The following PLCG2 variants were observed in gnomAD, a reference collection of about 807,000 sequenced individuals.
The protein encoded by PLCG2 is phospholipase C gamma 2, also known as 1-phosphatidylinositol 4,5-bisphosphate phosphodiesterase gamma-2.
Under a neutral mutation model 175.6 loss-of-function variants are expected in PLCG2, and 69 were observed. The observed-to-expected ratio is 0.39, with a 90% CI of 0.32 to 0.48. PLCG2 has a LOEUF of 0.48. Among genes scored for constraint, PLCG2 ranks in the 20% least tolerant of loss-of-function variants. The pLI is 0.91. For missense variants in PLCG2, 1,798 were observed against 1,650.9 expected (o/e 1.09, Z -1.54); for synonymous variants, 827 against 624.0 (o/e 1.33, Z -4.85).
At chr16:81,817,835 C>T in intron 2 of PLCG2, among the ~76,000 whole-genome samples, 1 of 152,148 alleles carries the variant, frequency 6.6e-6, no homozygotes, top group African/African-American at 2.4e-5. Flanking sequence ...ACATGTCAGG[C>T]CCAGGCCAGG....
chr16:81,931,513 A>G lies in PLCG2; in HGVS notation c.2598A>G (p.Gly866=). ...TACCCCAAGTGAAAGCCCCTCAGGG[A>G]AAAAACCAGAAGTCCTTTGTCTTCA... ...NTYNVVKAPQ[G]KNQKSFVFIL... is the part of the protein sequence containing the mutation. The change falls in exon 25 of 33, where the codon GGA becomes GGG. Residue 866 remains glycine (G), a synonymous_variant. Coordinates refer to ENST00000564138, the MANE Select transcript of PLCG2 (RefSeq NM_002661.5). The G allele has an allele frequency of 6.2e-7, 1 of 1,614,012 alleles. No homozygotes were observed. Among genetic ancestry groups the G allele is most frequent in the Non-Finnish European group, 8.5e-7 (1 of 1,179,938 alleles).
chr16:81,860,800 G>T (rs149278622), intron 5 of PLCG2, among the ~76,000 whole-genome samples: 1 of 151,984 alleles, frequency 6.6e-6, no homozygotes, highest in African/African-American at 2.4e-5. Context: ...GTAAAACCCT[G>T]TCTCTACTAA....
intron 6 of PLCG2, 38 bp downstream of exon 6, chr16:81,869,336 C>A (rs369350365): frequency 2.8e-6 from 4 of 1,411,584 alleles, no homozygotes; most frequent in East Asian, 4.6e-5. Context: ...TTTATGAATG[C>A]GGAGTGACTT....
intron 2 of PLCG2, among the ~76,000 whole-genome samples, chr16:81,801,886 G>A (rs148951468): frequency 0.032 from 4,914 of 151,776 alleles, 275 homozygotes; most frequent in African/African-American, 0.11. Flanking sequence ...TCACTATGTT[G>A]GTCAGGCTGG....
chr16:81,859,595 CAT>C (rs1906860933), intron 5 of PLCG2, among the ~76,000 whole-genome samples: 1 of 151,546 alleles, frequency 6.6e-6, no homozygotes, highest in Non-Finnish European at 1.5e-5. Context: ...AGTGCAGTGG[CAT>C]GATCTCAGCT....
intron 8 of PLCG2, among the ~76,000 whole-genome samples, chr16:81,882,180 C>T (rs189298209): frequency 1.8e-4 from 28 of 152,292 alleles, no homozygotes; most frequent in African/African-American, 6.5e-4. Flanking sequence ...CCTGGGAAGC[C>T]CCGTGTAGCA....
chr16:81,833,783 A>C (rs917570731), intron 2 of PLCG2, among the ~76,000 whole-genome samples: 1 of 152,018 alleles, frequency 6.6e-6, no homozygotes, highest in Non-Finnish European at 1.5e-5. Context: ...CCTGGGCTCG[A>C]GCTGTCCTCC....
intron 3 of PLCG2, among the ~76,000 whole-genome samples, chr16:81,857,355 T>C (rs1281498788): frequency 2.0e-5 from 3 of 152,234 alleles, no homozygotes; most frequent in South Asian, 4.1e-4. Flanking sequence ...CTGGAGTCAG[T>C]GTGCTGCCAG....
intron 2 of PLCG2, among the ~76,000 whole-genome samples, chr16:81,795,217 C>T (rs1199597095): frequency 3.3e-5 from 5 of 152,102 alleles, no homozygotes; most frequent in Non-Finnish European, 5.9e-5. Context: ...CATGTTGGAT[C>T]GTGATAGACG....
intron 9 of PLCG2, among the ~76,000 whole-genome samples, chr16:81,886,496 C>G (rs756559617): frequency 4.6e-5 from 7 of 152,158 alleles, no homozygotes; most frequent in Non-Finnish European, 1.0e-4. Flanking sequence ...TAGTTGCCCT[C>G]CCAGACACTT....
chr16:81,880,754 A>G (rs560711809), intron 7 of PLCG2, among the ~76,000 whole-genome samples, 156 bp from the exon 8 acceptor site: 1 of 152,328 alleles, frequency 6.6e-6, no homozygotes, highest in South Asian at 2.1e-4. Flanking sequence ...TTTCTGTTAT[A>G]TTTGAATATT....
chr16:81,889,480 G>A, intron 10 of PLCG2: 1 of 484,642 alleles, frequency 2.1e-6, no homozygotes, highest in Non-Finnish European at 3.7e-6. Flanking sequence ...TGCCCAGTGG[G>A]TTCATTTTGC....
chr16:81,910,179 C>G (rs1222679313), intron 17 of PLCG2, among the ~76,000 whole-genome samples: 1 of 152,182 alleles, frequency 6.6e-6, no homozygotes, highest in Non-Finnish European at 1.5e-5. Flanking sequence ...CAACCTTCGT[C>G]TCCCAGGTAC....
intron 30 of PLCG2, among the ~76,000 whole-genome samples, chr16:81,945,195 G>C (rs1264360477): frequency 6.6e-6 from 1 of 152,194 alleles, no homozygotes; most frequent in Non-Finnish European, 1.5e-5. Context: ...TAAAGCAACT[G>C]AGAGTATAAA....
intron 2 of PLCG2, among the ~76,000 whole-genome samples, chr16:81,821,390 A>G (rs918502326): frequency 7.9e-5 from 12 of 152,356 alleles, no homozygotes; most frequent in African/African-American, 2.6e-4. Context: ...CTCTTGAATA[A>G]TATGAGTGAA....
Position 81,891,556 on chromosome 16 carries a change from C to T in PLCG2, c.952C>T (p.Leu318=), listed in dbSNP as rs1384764686. 6.2e-7 allele frequency: 1 copy of T among 1,607,340 alleles called. No homozygotes were observed. Among genetic ancestry groups the T allele is most frequent in the Admixed American group, 1.7e-5 (1 of 60,028 alleles). Residue 318 remains leucine, a synonymous_variant, in exon 11 of 33, where the codon CTG becomes TTG. Transcript: ENST00000564138. The part of the protein sequence containing the change: ...AVDMQDMNNP[L]SHYWISSSHN... ...GGACATGCAGGACATGAACAACCCC[C>T]TGTCTCATTACTGGATCTCCTCGTC...
chr16:81,761,011 C>G (rs1910030723), intron 2 of PLCG2, among the ~76,000 whole-genome samples: 1 of 152,112 alleles, frequency 6.6e-6, no homozygotes. Flanking sequence ...TCAGGTGATT[C>G]TCCTACTTCT....
Position 81,870,834 on chromosome 16 carries a change from CT to C in PLCG2, c.565-12del. 3.4e-6 allele frequency: 5 copies of C among 1,477,178 alleles called. No homozygotes were observed. Among genetic ancestry groups the C allele is most frequent in the Admixed American group, 1.9e-5 (1 of 53,148 alleles). The allele number at this position is 1,477,178 out of a possible 1,614,324, so 91.5% of individuals were successfully genotyped here. A position where few individuals can be genotyped will look rare whatever the true frequency, so the allele number is the denominator to read the frequency against. Reference sequence around the variant, plus strand: ...GTGGACATCAAAAATCATGTGGTCACTTTTTTCATATTTACAGGAAATAGGA... The same window carrying C: ...GTGGACATCAAAAATCATGTGGTCACTTTTTCATATTTACAGGAAATAGGA... On this transcript the variant is annotated splice_polypyrimidine_tract_variant and intron_variant, in intron 6 of 32. Coordinates refer to ENST00000564138, the MANE Select transcript of PLCG2 (RefSeq NM_002661.5).
intron 2 of PLCG2, among the ~76,000 whole-genome samples, chr16:81,819,581 T>TTTA (rs925786578): frequency 1.3e-5 from 2 of 152,104 alleles, no homozygotes; most frequent in Admixed American, 6.6e-5. Context: ...TATTTATGTA[T>TTTA]TTATTATTAT....
Sources: gnomAD v4.1 joint callset for allele counts (sites outside exome capture counted in the v4.1 genomes callset) on GRCh38, gnomAD v4.1.1 for gene constraint, MANE v1.5 for transcripts, NCBI Gene and HGNC (gene_info 2026-07-23, HGNC 2026-07-21) for gene names.